COBL: variants seen among roughly 807,000 people sequenced by gnomAD.
The protein encoded by COBL is protein cordon-bleu.
COBL carries 51 observed loss-of-function variants against 98.8 expected under a neutral mutation model. That is an observed-to-expected ratio of 0.52 (90% CI 0.41 to 0.65). The LOEUF is 0.65. Ranked by LOEUF, COBL falls within the 30% of genes least tolerant of loss-of-function variation. COBL has a pLI of 0.00. For synonymous variants in COBL, 634 were observed against 651.7 expected, an observed-to-expected ratio of 0.97 and a Z score of 0.41; for missense variants, 1,617 against 1,617.5, an observed-to-expected ratio of 1.00 and a Z score of 0.01.
chr7:51,108,070 C>T (rs140251007), intron 6 of COBL, among the ~76,000 whole-genome samples: 45 of 152,246 alleles, frequency 3.0e-4, no homozygotes, highest in African/African-American at 1.0e-3. Context: ...CTGCCTGGTG[C>T]CTCTAAGTCA....
intron 4 of COBL, 143 bp from the exon 5 acceptor site, chr7:51,184,342 C>T (rs1789279321): frequency 1.7e-5 from 9 of 536,708 alleles, no homozygotes; most frequent in Non-Finnish European, 2.9e-5. Context: ...CTATTTCTTT[C>T]AAAGCTGTCC....
chr7:51,125,535 T>C (rs1798116935), intron 6 of COBL, among the ~76,000 whole-genome samples: 1 of 152,218 alleles, frequency 6.6e-6, no homozygotes, highest in South Asian at 2.1e-4. Flanking sequence ...GATCTACTCC[T>C]CCAGACTATG....
chr7:51,301,951 C>T (rs546106290), intron 1 of COBL, among the ~76,000 whole-genome samples: 33 of 152,320 alleles, frequency 2.2e-4, no homozygotes, highest in Non-Finnish European at 2.6e-4. Context: ...GTAGCTTTGC[C>T]TCTCCCAGCT....
At chr7:51,177,491 T>G (rs1297827200) in intron 5 of COBL, among the ~76,000 whole-genome samples, 2 of 152,108 alleles carry the variant, frequency 1.3e-5, no homozygotes, top group Non-Finnish European at 2.9e-5. Context: ...AAGAAGATTA[T>G]AGCCAGGTGC....
chr7:51,122,415 T>C (rs1323348567), intron 6 of COBL, among the ~76,000 whole-genome samples: 1 of 152,168 alleles, frequency 6.6e-6, no homozygotes, highest in Non-Finnish European at 1.5e-5. Context: ...CACAATGCTG[T>C]CCTCATCTTC....
intron 7 of COBL, among the ~76,000 whole-genome samples, chr7:51,061,946 T>TACACACACAC (rs1395412693): frequency 0.1 from 10,058 of 95,896 alleles, 546 homozygotes; most frequent in African/African-American, 0.13. Context: ...CTCCCCACCA[T>TACACACACAC]AGATACACAC....
chr7:51,272,843 G>A (rs369728352), intron 1 of COBL, among the ~76,000 whole-genome samples: 2 of 152,012 alleles, frequency 1.3e-5, no homozygotes. Context: ...CAATTCTAGG[G>A]TCACAATTCT....
At chr7:51,070,508 A>C (rs990155748) in intron 7 of COBL, among the ~76,000 whole-genome samples, 1 of 151,850 alleles carries the variant, frequency 6.6e-6, no homozygotes, top group Non-Finnish European at 1.5e-5. Flanking sequence ...GGTTATGATG[A>C]CTCAAGACAT....
At chr7:51,169,801 T>A (rs1254281094) in intron 5 of COBL, among the ~76,000 whole-genome samples, 1 of 152,206 alleles carries the variant, frequency 6.6e-6, no homozygotes, top group African/African-American at 2.4e-5. Flanking sequence ...CTATAGTCAA[T>A]AATTACTTAC....
intron 1 of COBL, chr7:51,260,229 C>T (rs1797597015): frequency 1.6e-6 from 1 of 632,646 alleles, no homozygotes; most frequent in Non-Finnish European, 2.8e-6. Flanking sequence ...ATGGCACTCA[C>T]TCTATCAAGA....
chr7:51,284,292 C>T (rs1018761925), intron 1 of COBL, among the ~76,000 whole-genome samples: 2 of 151,244 alleles, frequency 1.3e-5, no homozygotes, highest in African/African-American at 4.9e-5. Context: ...CAGAGCAAGA[C>T]TCCGTCTCAA....
rs78740651 is a variant in COBL, at chr7:51,181,302, T to C, written c.783+2800A>G. 2.3e-3 allele frequency among the ~76,000 whole-genome samples: 348 copies of C among 152,334 alleles called. 3 individuals carry two copies. The highest frequency in any genetic ancestry group is 7.2e-3 in the African/African-American group (301 of 41,576). On this transcript the variant is annotated intron_variant, in intron 5 of 12. Coordinates refer to ENST00000265136, the MANE Select transcript of COBL (RefSeq NM_015198.5). ...TTTAATTATCAGGCCCAGGGAAGCA[T>C]TGAAATGCAGTGGTGGTCATGTCCC...
At chr7:51,190,559 C>T (rs1790007415) in intron 4 of COBL, among the ~76,000 whole-genome samples, 2 of 152,148 alleles carry the variant, frequency 1.3e-5, no homozygotes, top group East Asian at 3.8e-4. Context: ...AGAGCATAAG[C>T]TCTAATCTCA....
intron 1 of COBL, among the ~76,000 whole-genome samples, chr7:51,282,223 C>T (rs534056291): frequency 1.3e-5 from 2 of 151,970 alleles, no homozygotes; most frequent in African/African-American, 4.8e-5. Flanking sequence ...TTCATTTATG[C>T]AAATGATTTG....
At chr7:51,271,054 A>C (rs1798709928) in intron 1 of COBL, among the ~76,000 whole-genome samples, 1 of 151,992 alleles carries the variant, frequency 6.6e-6, no homozygotes, top group South Asian at 2.1e-4. Context: ...AGGCCCTGCT[A>C]CTCCCAGGAA....
At chr7:51,161,365 T>A (rs1584012857) in intron 5 of COBL, among the ~76,000 whole-genome samples, 1 of 152,258 alleles carries the variant, frequency 6.6e-6, no homozygotes, top group East Asian at 1.9e-4. Flanking sequence ...TCCTTTAAAA[T>A]GTAGCTTTTA....
chr7:51,066,180 A>G (rs1791903712), intron 7 of COBL, among the ~76,000 whole-genome samples: 2 of 152,210 alleles, frequency 1.3e-5, no homozygotes, highest in South Asian at 4.1e-4. Flanking sequence ...TGACTGTCTC[A>G]GTCTCTGTGG....
chr7:51,077,843 C>T (rs955875016), intron 7 of COBL, among the ~76,000 whole-genome samples: 7 of 152,130 alleles, frequency 4.6e-5, no homozygotes, highest in African/African-American at 1.4e-4. Flanking sequence ...GCACTGAAAT[C>T]GTCCCTCAAG....
chr7:51,066,034 C>A (rs1166813323), intron 7 of COBL, among the ~76,000 whole-genome samples: 1 of 152,192 alleles, frequency 6.6e-6, no homozygotes, highest in African/African-American at 2.4e-5. Context: ...AAATTTCCAC[C>A]CATTCTGTGG....
Sources: allele counts gnomAD v4.1 joint callset (sites outside exome capture counted in the v4.1 genomes callset), GRCh38; gene constraint gnomAD v4.1.1; transcripts MANE v1.5; gene names NCBI Gene and HGNC (gene_info 2026-07-23, HGNC 2026-07-21).